Variants in CFAP20DC observed in about 807,000 individuals in gnomAD.
CFAP20DC encodes the protein CFAP20 domain containing.
A neutral mutation model predicts 101.7 loss-of-function variants in CFAP20DC; 84 were observed. That is an observed-to-expected ratio of 0.83 (90% CI 0.69 to 0.99). The LOEUF (loss-of-function observed/expected upper bound fraction) is 0.99. Ranked by LOEUF, CFAP20DC falls within the 50% of genes least tolerant of loss-of-function variation. CFAP20DC has a pLI of 0.00. For synonymous variants in CFAP20DC, 359 were observed against 351.2 expected (o/e 1.02, Z -0.25); for missense variants, 1,007 against 970.3 (o/e 1.04, Z -0.50).
intron 14 of CFAP20DC, among the ~76,000 whole-genome samples, chr3:58,822,555 T>C (rs2075753909): frequency 6.6e-6 from 1 of 151,472 alleles, no homozygotes; most frequent in Non-Finnish European, 1.5e-5. Context: ...ACCTGCACAA[T>C]GTGCACATGT....
rs1013420670 is a variant in CFAP20DC, at chr3:58,732,365, C to T, written c.198-14737G>A. ...GCTTTGCATAGAAACCTAAGTAGTA[C>T]TTGTTATGATAAAGTTGTAGATATT... is the stretch of plus-strand genomic sequence containing the variant. On this transcript the variant is annotated intron_variant, in intron 3 of 3. Transcript: ENST00000486145. This position sits in a 1 kb window ranked among gnomAD's most constrained non-coding sequence, Gnocchi z 5.4. 6.6e-6 allele frequency among the ~76,000 whole-genome samples: 1 copy of T among 152,110 alleles called. No homozygotes were observed. Among genetic ancestry groups the T allele is most frequent in the African/African-American group, 2.4e-5 (1 of 41,420 alleles).
intron 15 of CFAP20DC, among the ~76,000 whole-genome samples, chr3:58,786,730 A>G (rs891860663): frequency 7.2e-6 from 1 of 138,678 alleles, no homozygotes; most frequent in Admixed American, 7.6e-5. Flanking sequence ...GAGAAGCTTC[A>G]AAGTGTTTCC....
rs189589993 is a variant in CFAP20DC at position 58,893,301 on chromosome 3, C to T, written c.551-8592G>A. On this transcript the variant is annotated intron_variant, in intron 6 of 16. Coordinates refer to ENST00000482387, the MANE Select transcript of CFAP20DC (RefSeq NM_001394063.1). ...CCTCGCAATCTGCCTGTCTTGGCCT[C>T]CCAAAGTGCTGGGATTAAAGGCGTG... 2.8e-3 allele frequency among the ~76,000 whole-genome samples: 419 copies of T among 152,318 alleles called. 1 individual carries two copies. The highest frequency in any genetic ancestry group is 4.3e-3 in the Non-Finnish European group (292 of 68,038).
chr3:58,951,746 G>A (rs1238232735), intron 4 of CFAP20DC, among the ~76,000 whole-genome samples: 2 of 151,922 alleles, frequency 1.3e-5, no homozygotes, highest in Admixed American at 1.3e-4. Flanking sequence ...ATCACACACC[G>A]GGGCCTGTTG....
intron 7 of CFAP20DC, among the ~76,000 whole-genome samples, chr3:58,875,535 T>A (rs909110126): frequency 8.5e-5 from 13 of 152,312 alleles, no homozygotes; most frequent in Admixed American, 3.3e-4. Context: ...CCTCTTCCAA[T>A]CCTGGGAGCT....
At chr3:59,045,385 TA>T (rs992318323) in intron 3 of CFAP20DC, among the ~76,000 whole-genome samples, 88 of 149,096 alleles carry the variant, frequency 5.9e-4, no homozygotes, top group African/African-American at 1.7e-3. Flanking sequence ...ATGATGAATG[TA>T]AAAAAAAAAC....
intron 6 of CFAP20DC, among the ~76,000 whole-genome samples, chr3:58,893,681 A>G (rs1360973073): frequency 6.6e-6 from 1 of 151,760 alleles, no homozygotes; most frequent in African/African-American, 2.4e-5. Context: ...CTCCTTTTCA[A>G]TTGTTTGGAA....
intron 4 of CFAP20DC, among the ~76,000 whole-genome samples, chr3:58,979,520 A>C (rs1189938025): frequency 6.6e-6 from 1 of 152,210 alleles, no homozygotes; most frequent in African/African-American, 2.4e-5. Flanking sequence ...CCAGCTTTCC[A>C]CAAAAAGAAG....
intron 4 of CFAP20DC, among the ~76,000 whole-genome samples, chr3:58,940,995 A>C (rs1296287509): frequency 6.6e-6 from 1 of 152,132 alleles, no homozygotes; most frequent in African/African-American, 2.4e-5. Context: ...TTTATTCCTA[A>C]GTATTTTGTC....
chr3:58,815,676 A>G (rs2075063750), intron 14 of CFAP20DC, among the ~76,000 whole-genome samples: 1 of 151,474 alleles, frequency 6.6e-6, no homozygotes, highest in Non-Finnish European at 1.5e-5. Flanking sequence ...AAAAACAAAC[A>G]ACCCCATCAA....
chr3:58,724,479 T>C lies in CFAP20DC; in HGVS notation c.198-6851A>G, dbSNP rs1176876558. Among the ~76,000 whole-genome samples, 1 of 152,160 alleles carries C rather than the reference T, an allele frequency of 6.6e-6. No homozygotes were observed. Among genetic ancestry groups the C allele is most frequent in the Non-Finnish European group, 1.5e-5 (1 of 68,028 alleles). On this transcript the variant is annotated intron_variant, in intron 3 of 3. Transcript: ENST00000486145. This position sits in a 1 kb window ranked among gnomAD's most constrained non-coding sequence, Gnocchi z 5.6. ...AAGGCACTCCTTTGAAGCACTGGAA[T>C]GTGGACAGACGTGTGGGCTCCTATT...
At chr3:59,027,565 T>C (rs1302028813) in intron 4 of CFAP20DC, among the ~76,000 whole-genome samples, 4 of 152,136 alleles carry the variant, frequency 2.6e-5, no homozygotes, top group Non-Finnish European at 4.4e-5. Context: ...TCAAAATTCA[T>C]TGAGATAATG....
At chr3:59,046,994 T>C (rs1444041870) in intron 2 of CFAP20DC, among the ~76,000 whole-genome samples, 171 bp downstream of exon 2, 1 of 152,174 alleles carries the variant, frequency 6.6e-6, no homozygotes. Context: ...GCCAAAGTCT[T>C]AGACAACTGA....
intron 13 of CFAP20DC, among the ~76,000 whole-genome samples, chr3:58,842,917 C>G (rs555620702): frequency 3.9e-5 from 6 of 152,304 alleles, no homozygotes; most frequent in East Asian, 1.9e-4. Flanking sequence ...ACACCTCACA[C>G]GGCAGCGTAT....
downstream of CFAP20DC, among the ~76,000 whole-genome samples, chr3:58,716,409 C>T (rs548770007): frequency 7.2e-5 from 11 of 151,930 alleles, no homozygotes; most frequent in African/African-American, 1.7e-4. Context: ...ATGATCCACC[C>T]GCCTCGGCCT....
At chr3:58,769,648 A>G (rs900112568) in intron 15 of CFAP20DC, among the ~76,000 whole-genome samples, 1 of 152,110 alleles carries the variant, frequency 6.6e-6, no homozygotes, top group Non-Finnish European at 1.5e-5. Context: ...AAAGGCAGCT[A>G]GTTGAGAATG....
chr3:58,920,072 C>CTTTTTTTTTTTTTTTT, intron 5 of CFAP20DC, among the ~76,000 whole-genome samples: 1 of 46,786 alleles, frequency 2.1e-5, no homozygotes, highest in Non-Finnish European at 3.7e-5. Context: ...GGTGGATATT[C>CTTTTTTTTTTTTTTTT]TTTTTTTTTT....
intron 14 of CFAP20DC, among the ~76,000 whole-genome samples, chr3:58,820,255 C>T (rs1194487332): frequency 2.0e-5 from 3 of 149,420 alleles, no homozygotes; most frequent in Non-Finnish European, 4.5e-5. Context: ...CCCTCTCTCA[C>T]CACTCCTATT....
chr3:58,905,252 T>A (rs2083482910), intron 6 of CFAP20DC, among the ~76,000 whole-genome samples: 1 of 152,078 alleles, frequency 6.6e-6, no homozygotes, highest in South Asian at 2.1e-4. Flanking sequence ...CTCCTCTGTC[T>A]TCCTTTTACT....
Sources: allele counts gnomAD v4.1 joint callset (sites outside exome capture counted in the v4.1 genomes callset), GRCh38; gene constraint gnomAD v4.1.1; non-coding constraint Gnocchi (gnomAD v3.1); transcripts MANE v1.5; gene names NCBI Gene and HGNC (gene_info 2026-07-23, HGNC 2026-07-21).